The following ANKRD44 variants were observed in gnomAD, a reference collection of about 807,000 sequenced individuals.
The protein encoded by ANKRD44 is ankyrin repeat domain 44.
Under a neutral mutation model 116.0 loss-of-function variants are expected in ANKRD44, and 35 were observed. The observed-to-expected ratio is 0.30, with a 90% CI of 0.23 to 0.40. The LOEUF is 0.40. Ranked by LOEUF, ANKRD44 falls within the 10% of genes least tolerant of loss-of-function variation. The pLI, the probability that ANKRD44 is intolerant of heterozygous loss-of-function variation, is 1.00. For missense variants in ANKRD44, 1,014 were observed against 1,242.6 expected, an observed-to-expected ratio of 0.82 and a Z score of 2.77; for synonymous variants, 435 against 461.8, an observed-to-expected ratio of 0.94 and a Z score of 0.74.
intron 1 of ANKRD44, 126 bp from the exon 2 acceptor site, chr2:197,187,232 G>T: frequency 1.1e-6 from 1 of 888,754 alleles, no homozygotes; most frequent in Non-Finnish European, 1.8e-6. Flanking sequence ...AGACAAAGAT[G>T]AATAAGACTC....
intron 1 of ANKRD44, among the ~76,000 whole-genome samples, chr2:197,210,224 C>T (rs1172040045): frequency 3.3e-5 from 5 of 152,170 alleles, no homozygotes; most frequent in African/African-American, 1.2e-4. Flanking sequence ...TTGAGGCCTC[C>T]TAAGAAGGAC....
chr2:197,124,324 A>G (rs933106436), intron 6 of ANKRD44, among the ~76,000 whole-genome samples: 1 of 152,228 alleles, frequency 6.6e-6, no homozygotes, highest in African/African-American at 2.4e-5. Flanking sequence ...GTGATGATAA[A>G]AGGCACATAT....
rs1407664257 is a variant in ANKRD44 at position 197,088,959 on chromosome 2, T to C, written c.1184-185A>G. Reference sequence around the variant, plus strand: ...GAACTGCTCAAGCTTGGCAATTTTATAGGAAGAACCGTGAAGTCAAGAAGG... The same window carrying C: ...GAACTGCTCAAGCTTGGCAATTTTACAGGAAGAACCGTGAAGTCAAGAAGG... On this transcript the variant is annotated intron_variant, in intron 11 of 27. Coordinates refer to ENST00000282272, the MANE Select transcript of ANKRD44 (RefSeq NM_001195144.2). The C allele has an allele frequency of 1.1e-5, 5 of 474,520 alleles. No individual in the cohort carries two copies. In the South Asian group the frequency reaches 1.7e-4, roughly 16 times the overall value. The allele number at this position is 474,520 out of a possible 1,614,324, so 29.4% of individuals were successfully genotyped here.
At chr2:197,216,397 A>G (rs1160679229) in intron 1 of ANKRD44, among the ~76,000 whole-genome samples, 1 of 152,144 alleles carries the variant, frequency 6.6e-6, no homozygotes, top group African/African-American at 2.4e-5. Context: ...AATACCCACC[A>G]AAGGATCAAT....
intron 10 of ANKRD44, among the ~76,000 whole-genome samples, chr2:197,096,989 C>T (rs2078176050): frequency 6.6e-6 from 1 of 152,174 alleles, no homozygotes; most frequent in South Asian, 2.1e-4. Context: ...AGACATGGCT[C>T]TTTCAGGCTG....
At chr2:197,278,495 T>A (rs2083163197) in intron 1 of ANKRD44, among the ~76,000 whole-genome samples, 3 of 152,144 alleles carry the variant, frequency 2.0e-5, no homozygotes, top group Non-Finnish European at 2.9e-5. Flanking sequence ...TAGCTGGGAC[T>A]ACAGGCACGC....
intron 8 of ANKRD44, among the ~76,000 whole-genome samples, chr2:197,117,466 C>G (rs1373351828): frequency 6.6e-6 from 1 of 152,174 alleles, no homozygotes. Flanking sequence ...TCTCGAATTC[C>G]TCACCTCGTG....
intron 1 of ANKRD44, among the ~76,000 whole-genome samples, chr2:197,257,432 G>C (rs939067979): frequency 1.3e-5 from 2 of 150,780 alleles, no homozygotes; most frequent in African/African-American, 4.9e-5. Context: ...GCTTTTTAGT[G>C]ATTATTATAA....
At chr2:197,094,432 A>G (rs1450936984) in intron 10 of ANKRD44, among the ~76,000 whole-genome samples, 5 of 152,230 alleles carry the variant, frequency 3.3e-5, no homozygotes, top group African/African-American at 1.2e-4. Flanking sequence ...ACATGTTAGT[A>G]TGATTGTTGC....
rs999423095 is a variant in ANKRD44 at position 197,121,395 on chromosome 2, G to A, written c.843C>T (p.Ala281=). 1.2e-6 allele frequency: 2 copies of A among 1,614,216 alleles called. No individual in the cohort carries two copies. The highest frequency in any genetic ancestry group is 1.3e-5 in the African/African-American group (1 of 75,046). ...CAAGACACAAAGCACCATGAGTGGA[G>A]GCAGCAGCAAAATGCAAAGGGGTGA... ...NGFTPLHFAA[A]STHGALCLEL... is the part of the protein sequence containing the mutation. The change falls in exon 8 of 28, where the codon GCC becomes GCT. Residue 281 remains alanine, a synonymous_variant. Transcript: ENST00000282272.
At chr2:197,248,576 G>GTATATATATATATATATA (rs1318550760) in intron 1 of ANKRD44, among the ~76,000 whole-genome samples, 2 of 110,520 alleles carry the variant, frequency 1.8e-5, no homozygotes, top group African/African-American at 6.1e-5. Context: ...GTGTGTGTGT[G>GTATATATATATATATATA]TGTATATATA....
At chr2:197,043,349 C>T (rs1477079646) in intron 16 of ANKRD44, among the ~76,000 whole-genome samples, 7 of 152,036 alleles carry the variant, frequency 4.6e-5, no homozygotes, top group Non-Finnish European at 8.8e-5. Flanking sequence ...ATTAGAATGA[C>T]TTTGCTCTAG....
chr2:197,080,343 C>G (rs373300085), intron 15 of ANKRD44, among the ~76,000 whole-genome samples: 1 of 152,184 alleles, frequency 6.6e-6, no homozygotes, highest in Non-Finnish European at 1.5e-5. Context: ...CTTCCCAGAG[C>G]CTAGTAATTT....
intron 1 of ANKRD44, among the ~76,000 whole-genome samples, chr2:197,303,540 G>A (rs868277919): frequency 6.6e-6 from 1 of 152,198 alleles, no homozygotes; most frequent in South Asian, 2.1e-4. Context: ...GGCTCAAACA[G>A]ATGTTTCCAC....
intron 16 of ANKRD44, among the ~76,000 whole-genome samples, chr2:197,073,409 G>T (rs2077601036): frequency 6.6e-6 from 1 of 152,158 alleles, no homozygotes; most frequent in Non-Finnish European, 1.5e-5. Context: ...TGGGATCAAG[G>T]AGAACCCCAG....
chr2:196,987,965 AAGAGAAAG>A lies in ANKRD44; in HGVS notation c.*1618_*1625del. 1 of 985,346 alleles carries A rather than the reference AAGAGAAAG, an allele frequency of 1.0e-6. No individual in the cohort carries two copies. Among genetic ancestry groups the A allele is most frequent in the Non-Finnish European group, 1.2e-6 (1 of 829,878 alleles). 61.0% of individuals were successfully genotyped at this position (985,346 alleles called of 1,614,324 possible). ...AAATTTTGCCTTGGGGTATGGGAGAAAGAGAAAGAGAGGAAGAGAGAGAGAGAGAGATC... is the reference window on the plus strand; with the variant it reads ...AAATTTTGCCTTGGGGTATGGGAGAAAGAGGAAGAGAGAGAGAGAGAGATC... On this transcript the variant is annotated 3_prime_UTR_variant, in exon 28 of 28. Coordinates refer to ENST00000282272, the MANE Select transcript of ANKRD44 (RefSeq NM_001195144.2).
chr2:197,118,645 A>AAGAG (rs1171899101), intron 8 of ANKRD44, among the ~76,000 whole-genome samples: 1 of 145,054 alleles, frequency 6.9e-6, no homozygotes, highest in African/African-American at 2.5e-5. Context: ...GAGAGAAAGA[A>AAGAG]AGAAAGAAAG....
chr2:197,072,125 T>C (rs906939141), intron 16 of ANKRD44, among the ~76,000 whole-genome samples: 6 of 144,678 alleles, frequency 4.1e-5, no homozygotes, highest in African/African-American at 1.5e-4. Context: ...GGAGGGAGGG[T>C]AGGGGGAGGA....
chr2:197,057,500 T>C (rs1206475149), intron 16 of ANKRD44, among the ~76,000 whole-genome samples: 1 of 152,204 alleles, frequency 6.6e-6, no homozygotes, highest in Non-Finnish European at 1.5e-5. Context: ...AATTAAGAGA[T>C]CTTTATTCTC....
Sources: gnomAD v4.1 joint callset for allele counts (sites outside exome capture counted in the v4.1 genomes callset) on GRCh38, gnomAD v4.1.1 for gene constraint, MANE v1.5 for transcripts, NCBI Gene and HGNC (gene_info 2026-07-23, HGNC 2026-07-21) for gene names.